Variants in SLC22A13 observed in about 807,000 individuals in gnomAD.
SLC22A13 encodes the protein organic anion transporter 10.
A neutral mutation model predicts 49.1 loss-of-function variants in SLC22A13; 42 were observed. That is an observed-to-expected ratio of 0.85 (90% CI 0.67 to 1.11). SLC22A13 has a LOEUF of 1.11. Ranked by LOEUF, SLC22A13 falls within the 50% of genes least tolerant of loss-of-function variation. The pLI, the probability that SLC22A13 is intolerant of heterozygous loss-of-function variation, is 0.00. For missense variants in SLC22A13, 694 were observed against 712.8 expected, an observed-to-expected ratio of 0.97 and a Z score of 0.30; for synonymous variants, 282 against 293.1, an observed-to-expected ratio of 0.96 and a Z score of 0.39.
Position 38,276,301 on chromosome 3 carries a change from G to C in SLC22A13, c.1252G>C (p.Val418Leu), listed in dbSNP as rs776175120. The C allele has an allele frequency of 6.2e-7, 1 of 1,612,888 alleles. No homozygotes were observed. Among genetic ancestry groups the C allele is most frequent in the African/African-American group, 1.3e-5 (1 of 74,912 alleles). Reference protein sequence around the residue: ...IFIPADLPVVVTMLAVVGKMA... With the variant: ...IFIPADLPVVLTMLAVVGKMA... Reference sequence around the variant, plus strand: ...CCCTCTGCCAGATCTGCCCGTGGTGGTCACCATGCTGGCTGTGGTGGGGAA... The same window carrying C: ...CCCTCTGCCAGATCTGCCCGTGGTGCTCACCATGCTGGCTGTGGTGGGGAA... The change falls in exon 8 of 10, where the codon GTC becomes CTC. Residue 418 changes from valine (V) to leucine (L), a missense_variant. Coordinates refer to ENST00000311856, the MANE Select transcript of SLC22A13 (RefSeq NM_004256.4).
chr3:38,276,352 A>G lies in SLC22A13; in HGVS notation c.1303A>G (p.Ile435Val), dbSNP rs1244342229. 6.2e-7 allele frequency: 1 copy of G among 1,613,756 alleles called. No individual in the cohort carries two copies. Reference protein sequence around the residue: ...GKMATAAAFTISYVYSAELFP... With the variant: ...GKMATAAAFTVSYVYSAELFP... Reference sequence around the variant, plus strand: ...GATGGCCACAGCTGCTGCCTTTACCATCTCCTATGTGTACTCTGCCGAGCT... The same window carrying G: ...GATGGCCACAGCTGCTGCCTTTACCGTCTCCTATGTGTACTCTGCCGAGCT... The change falls in exon 8 of 10, where the codon ATC (isoleucine) becomes GTC (valine). Residue 435 changes from isoleucine to valine, a missense_variant. Ile to Val is a conservative substitution (Grantham distance 29, BLOSUM62 3). Transcript: ENST00000311856.
chr3:38,275,599 C>A lies in SLC22A13; in HGVS notation c.949C>A (p.Pro317Thr). The A allele has an allele frequency of 6.2e-7, 1 of 1,614,110 alleles. No homozygotes were observed. The highest frequency in any genetic ancestry group is 8.5e-7 in the Non-Finnish European group (1 of 1,179,986). The change falls in exon 6 of 10, where the codon CCC becomes ACC. Residue 317 changes from proline (P) to threonine (T), a missense_variant. Pro to Thr is a conservative substitution (Grantham distance 38). Transcript: ENST00000311856. ...MNQLVPEKTGPSGNALDLFRH... is the reference protein window; with the variant it reads ...MNQLVPEKTGTSGNALDLFRH... ...CCAGCTGGTCCCAGAGAAGACAGGC[C>A]CCTCAGGGAATGCCCTGGATCTGTT... is the stretch of plus-strand genomic sequence containing the variant.
Position 38,266,103 on chromosome 3 carries a change from G to A in SLC22A13, c.243G>A (p.Glu81=). 2 of 1,614,104 alleles carry A rather than the reference G, an allele frequency of 1.2e-6. No homozygotes were observed. Among genetic ancestry groups the A allele is most frequent in the African/African-American group, 1.3e-5 (1 of 75,010 alleles). The change falls in exon 1 of 10, where the codon GAG becomes GAA. Residue 81 remains glutamate, a synonymous_variant. Coordinates refer to ENST00000311856, the MANE Select transcript of SLC22A13 (RefSeq NM_004256.4). ...CCCTGGACACTGCAGGTCACCCAGA[G>A]CCCTGCCTCATGTTCCGGCCACCCC... ...SVPLDTAGHP[E]PCLMFRPPPA... is the part of the protein sequence containing the mutation.
intron 1 of SLC22A13, among the ~76,000 whole-genome samples, chr3:38,271,287 G>A (rs1703516975): frequency 1.3e-5 from 2 of 152,078 alleles, no homozygotes; most frequent in Admixed American, 1.3e-4. Context: ...AAAATGGGCT[G>A]GGTGCAGTGG....
intron 6 of SLC22A13, 71 bp downstream of exon 6, chr3:38,275,743 G>T: frequency 6.5e-7 from 1 of 1,529,698 alleles, no homozygotes; most frequent in Non-Finnish European, 9.0e-7. Context: ...CAGAGGGGTG[G>T]GCTGGTGGCT....
chr3:38,275,198 G>A, intron 4 of SLC22A13, 41 bp downstream of exon 4: 1 of 1,610,896 alleles, frequency 6.2e-7, no homozygotes, highest in East Asian at 2.2e-5. Flanking sequence ...CCCCAGGTTA[G>A]TTGTGTTGTG....
Position 38,278,104 on chromosome 3 carries a change from C to A in SLC22A13, c.*639C>A, listed in dbSNP as rs1703608210. 1 of 152,438 alleles carries A rather than the reference C, an allele frequency of 6.6e-6. No individual in the cohort carries two copies. The highest frequency in any genetic ancestry group is 2.4e-5 in the African/African-American group (1 of 41,460). The allele number at this position is 152,438 out of a possible 1,614,324, so 9.4% of individuals were successfully genotyped here. A position where few individuals can be genotyped will look rare whatever the true frequency, so the allele number is the denominator to read the frequency against. ...GATGGCCCAACCCCCGCCCTACACT[C>A]AGCTCATGCCTAACCTATGTGTGGC... On this transcript the variant is annotated 3_prime_UTR_variant, in exon 10 of 10. Coordinates refer to ENST00000311856, the MANE Select transcript of SLC22A13 (RefSeq NM_004256.4).
chr3:38,277,049 T>C lies in SLC22A13; in HGVS notation c.1484T>C (p.Leu495Pro). Residue 495 changes from leucine (L) to proline (P), a missense_variant, in exon 9 of 10, where the codon CTG (leucine) becomes CCG (proline). Coordinates refer to ENST00000311856, the MANE Select transcript of SLC22A13 (RefSeq NM_004256.4). ...AGCCTCCCCATCGTGGCCGGCCTGC[T>C]GTGCACCCTGCTGCCAGAGACGCAT... Reference protein sequence around the residue: ...YGSLPIVAGLLCTLLPETHGQ... With the variant: ...YGSLPIVAGLPCTLLPETHGQ... The C allele has an allele frequency of 1.3e-6, 2 of 1,595,850 alleles. No individual in the cohort carries two copies. Among genetic ancestry groups the C allele is most frequent in the Non-Finnish European group, 8.5e-7 (1 of 1,171,354 alleles).
intron 1 of SLC22A13, 56 bp downstream of exon 1, chr3:38,266,294 G>A: frequency 6.4e-7 from 1 of 1,574,032 alleles, no homozygotes; most frequent in South Asian, 1.2e-5. Context: ...CAGGTCTTGT[G>A]CCTGACTCTT....
chr3:38,269,505 G>A (rs1295130465), intron 1 of SLC22A13, among the ~76,000 whole-genome samples: 1 of 152,016 alleles, frequency 6.6e-6, no homozygotes, highest in Admixed American at 6.6e-5. Flanking sequence ...TGATCCACCC[G>A]CCTCAGCCTC....
chr3:38,275,633 C>T lies in SLC22A13; in HGVS notation c.983C>T (p.Pro328Leu), dbSNP rs1575391819. 1 of 1,614,174 alleles carries T rather than the reference C, an allele frequency of 6.2e-7. No homozygotes were observed. The highest frequency in any genetic ancestry group is 1.1e-5 in the South Asian group (1 of 91,082). ...SGNALDLFRH[P>L]QLRKVTLIIF... ...AATGCCCTGGATCTGTTCAGACACC[C>T]CCAGCTCCGGAAGGTGACCCTGATT... Residue 328 changes from proline to leucine, a missense_variant, in exon 6 of 10, where the codon CCC becomes CTC. Coordinates refer to ENST00000311856, the MANE Select transcript of SLC22A13 (RefSeq NM_004256.4).
rs751012194 is a variant in SLC22A13 at position 38,275,899 on chromosome 3, G to A, written c.1040G>A (p.Gly347Glu). 3.1e-6 allele frequency: 5 copies of A among 1,614,188 alleles called. No individual in the cohort carries two copies. In the Admixed American group the frequency reaches 6.7e-5, roughly 22 times the overall value. The change falls in exon 7 of 10, where the codon GGG (glycine) becomes GAG (glutamate). Residue 347 changes from glycine to glutamate, a missense_variant. Coordinates refer to ENST00000311856, the MANE Select transcript of SLC22A13 (RefSeq NM_004256.4). ...IFCVWFVDSL[G>E]YYGLSLQVGD... ...CCTTGTAGGTTTGTGGACAGTCTGG[G>A]GTACTACGGCCTGAGCCTCCAAGTG...
At chr3:38,270,462 C>T (rs1979845) in intron 1 of SLC22A13, 39,855 of 216,572 alleles carry the variant, frequency 0.18, 6,254 homozygotes, top group African/African-American at 0.48. Flanking sequence ...CTTTGGATAG[C>T]GGTGAGTTAT....
rs553361793 is a variant in SLC22A13, at chr3:38,277,130, G to A, written c.1562+3G>A. 10 of 1,553,772 alleles carry A rather than the reference G, an allele frequency of 6.4e-6. No individual in the cohort carries two copies. Among genetic ancestry groups the A allele is most frequent in the Non-Finnish European group, 8.7e-6 (10 of 1,147,970 alleles). Reference sequence around the variant, plus strand: ...CTGGAGCTGGGGCCTCACCCACGGTGAGCTGCTTGCTTGCACTGAAACCAC... The same window carrying A: ...CTGGAGCTGGGGCCTCACCCACGGTAAGCTGCTTGCTTGCACTGAAACCAC... On this transcript the variant is annotated splice_donor_region_variant and intron_variant, in intron 9 of 9. Transcript: ENST00000311856.
At chr3:38,274,845 CTT>C in intron 3 of SLC22A13, 87 bp downstream of exon 3, 1 of 1,546,508 alleles carries the variant, frequency 6.5e-7, no homozygotes, top group Non-Finnish European at 8.8e-7. Flanking sequence ...CTGTGGAGGT[CTT>C]TTCAGGTACC....
chr3:38,277,055 C>T lies in SLC22A13; in HGVS notation c.1490C>T (p.Thr497Ile). ...SLPIVAGLLC[T>I]LLPETHGQGL... ...CCCATCGTGGCCGGCCTGCTGTGCA[C>T]CCTGCTGCCAGAGACGCATGGCCAG... The change falls in exon 9 of 10, where the codon ACC (threonine) becomes ATC (isoleucine). Residue 497 changes from threonine to isoleucine, a missense_variant. Coordinates refer to ENST00000311856, the MANE Select transcript of SLC22A13 (RefSeq NM_004256.4). The T allele has an allele frequency of 6.3e-7, 1 of 1,594,148 alleles. No individual in the cohort carries two copies. The highest frequency in any genetic ancestry group is 8.5e-7 in the Non-Finnish European group (1 of 1,170,408).
At chr3:38,271,350 A>G (rs1703518188) in intron 1 of SLC22A13, among the ~76,000 whole-genome samples, 1 of 152,002 alleles carries the variant, frequency 6.6e-6, no homozygotes, top group Non-Finnish European at 1.5e-5. Flanking sequence ...GGATCACTTG[A>G]GCCCAAGAGT....
intron 1 of SLC22A13, among the ~76,000 whole-genome samples, chr3:38,271,682 G>A (rs898397020): frequency 3.0e-4 from 45 of 152,234 alleles, no homozygotes; most frequent in Middle Eastern, 3.4e-3. Context: ...GGAGAGAAGG[G>A]GAAGCAGAAA....
At chr3:38,272,227 G>T (rs1237927087) in intron 1 of SLC22A13, among the ~76,000 whole-genome samples, 1 of 152,212 alleles carries the variant, frequency 6.6e-6, no homozygotes. Flanking sequence ...CCAAGGCTTG[G>T]TGCTCATGCC....
Sources: allele counts gnomAD v4.1 joint callset (sites outside exome capture counted in the v4.1 genomes callset), GRCh38; gene constraint gnomAD v4.1.1; transcripts MANE v1.5; gene names NCBI Gene and HGNC (gene_info 2026-07-23, HGNC 2026-07-21).